The following GLO1 variants were observed in gnomAD, a reference collection of about 807,000 sequenced individuals.
GLO1 encodes lactoylglutathione lyase.
A neutral mutation model predicts 26.0 loss-of-function variants in GLO1; 28 were observed. The observed-to-expected ratio is 1.08, with a 90% CI of 0.80 to 1.48. The LOEUF is 1.48. Ranked by LOEUF, GLO1 falls within the 40% of genes most tolerant of loss-of-function variation. GLO1 has a pLI of 0.00. For synonymous variants in GLO1, 78 were observed against 77.6 expected (o/e 1.00, Z -0.03); for missense variants, 225 against 224.8 (o/e 1.00, Z -0.01).
chr6:38,679,707 T>C (rs950357058), intron 5 of GLO1, among the ~76,000 whole-genome samples: 5 of 151,906 alleles, frequency 3.3e-5, no homozygotes, highest in African/African-American at 1.2e-4. Context: ...AGGTGGATTA[T>C]TGTTTGATCC....
At chr6:38,678,928 G>GTTA (rs1456436694) in intron 5 of GLO1, among the ~76,000 whole-genome samples, 9 of 152,158 alleles carry the variant, frequency 5.9e-5, no homozygotes, top group Non-Finnish European at 1.2e-4. Context: ...AGATCATGTG[G>GTTA]GTTGTTAAGG....
chr6:38,689,252 G>A (rs932048497), intron 1 of GLO1, among the ~76,000 whole-genome samples: 7 of 152,218 alleles, frequency 4.6e-5, no homozygotes, highest in African/African-American at 1.7e-4. Context: ...ACAGACCCAA[G>A]TCGGACCTCT....
At chr6:38,696,110 A>T (rs1761607568) in intron 1 of GLO1, among the ~76,000 whole-genome samples, 1 of 152,012 alleles carries the variant, frequency 6.6e-6, no homozygotes. Flanking sequence ...TCAGAAGCAG[A>T]GTCTCTAAAT....
intron 1 of GLO1, among the ~76,000 whole-genome samples, chr6:38,693,872 G>A (rs569061227): frequency 7.3e-4 from 111 of 151,998 alleles, no homozygotes; most frequent in Admixed American, 1.8e-3. Context: ...CACCACGCCT[G>A]GCTAATTTTT....
intron 5 of GLO1, among the ~76,000 whole-genome samples, chr6:38,678,618 G>A (rs1387622734): frequency 1.3e-5 from 2 of 152,070 alleles, no homozygotes; most frequent in Non-Finnish European, 2.9e-5. Flanking sequence ...TGTGTGCATC[G>A]GCACCTGCCC....
At position 38,686,872 on chromosome 6, in the gene GLO1, C is replaced by T. The variant is rs1421866235; in HGVS notation, c.167+20G>A. On this transcript the variant is annotated intron_variant, in intron 2 of 5. Transcript: ENST00000373365. ...AGCTATATATTTAAACATTAAGGTG[C>T]CAATAAGTACTTGACTTACGTCATT... 2.4e-6 allele frequency: 3 copies of T among 1,274,576 alleles called. No individual in the cohort carries two copies. Among genetic ancestry groups the T allele is most frequent in the Non-Finnish European group, 3.4e-6 (3 of 876,294 alleles). The allele number at this position is 1,274,576 out of a possible 1,614,324, so 79.0% of individuals were successfully genotyped here. A position where few individuals can be genotyped will look rare whatever the true frequency, so the allele number is the denominator to read the frequency against.
intron 2 of GLO1, among the ~76,000 whole-genome samples, chr6:38,686,306 T>C (rs1317622763): frequency 6.6e-6 from 1 of 152,222 alleles, no homozygotes; most frequent in Non-Finnish European, 1.5e-5. Context: ...TGTATCTATA[T>C]GCTCAAAAGC....
chr6:38,699,871 C>T (rs982941574), intron 1 of GLO1, among the ~76,000 whole-genome samples: 2 of 151,670 alleles, frequency 1.3e-5, no homozygotes, highest in East Asian at 1.9e-4. Context: ...TGCTTTTGCC[C>T]TTTGCCTTGT....
At chr6:38,686,781 A>G in intron 2 of GLO1, 111 bp downstream of exon 2, 1 of 642,150 alleles carries the variant, frequency 1.6e-6, no homozygotes, top group East Asian at 2.9e-5. Flanking sequence ...CTCCTGGCCA[A>G]AAGAACTTCT....
At chr6:38,680,919 T>G (rs1761363210) in intron 5 of GLO1, among the ~76,000 whole-genome samples, 1 of 152,098 alleles carries the variant, frequency 6.6e-6, no homozygotes, top group Non-Finnish European at 1.5e-5. Context: ...AAGAGATATA[T>G]GAAGAAAAAG....
intron 1 of GLO1, among the ~76,000 whole-genome samples, chr6:38,687,326 G>A (rs1333143615): frequency 6.6e-6 from 1 of 151,554 alleles, no homozygotes; most frequent in East Asian, 1.9e-4. Context: ...ATACACCTAT[G>A]ATCACCCTCT....
At chr6:38,687,256 T>A (rs917884677) in intron 1 of GLO1, 1 of 194,386 alleles carries the variant, frequency 5.1e-6, no homozygotes, top group Non-Finnish European at 9.3e-6. Flanking sequence ...TACCACAAAG[T>A]CCCTCAAAGA....
chr6:38,698,912 C>T (rs1187152439), intron 1 of GLO1, among the ~76,000 whole-genome samples: 1 of 152,112 alleles, frequency 6.6e-6, no homozygotes, highest in Non-Finnish European at 1.5e-5. Context: ...GCCTAATCAC[C>T]TCCAGACTTG....
intron 5 of GLO1, among the ~76,000 whole-genome samples, chr6:38,680,646 T>G (rs1582773526): frequency 6.6e-6 from 1 of 152,238 alleles, no homozygotes; most frequent in East Asian, 1.9e-4. Context: ...TCCCAGTGCT[T>G]TGGGAGGCCA....
intron 1 of GLO1, among the ~76,000 whole-genome samples, chr6:38,699,412 G>A (rs1016762748): frequency 3.9e-5 from 6 of 151,956 alleles, no homozygotes; most frequent in Non-Finnish European, 7.4e-5. Flanking sequence ...TGAAATCGGC[G>A]CACCTTGAAA....
intron 1 of GLO1, among the ~76,000 whole-genome samples, chr6:38,690,630 A>G (rs1761516486): frequency 6.6e-6 from 1 of 152,328 alleles, no homozygotes; most frequent in South Asian, 2.1e-4. Context: ...TTAATGTTAC[A>G]GACTTTAACT....
At chr6:38,689,668 C>T (rs534311229) in intron 1 of GLO1, among the ~76,000 whole-genome samples, 3 of 152,182 alleles carry the variant, frequency 2.0e-5, no homozygotes, top group African/African-American at 7.2e-5. Context: ...TATTCTTGGC[C>T]AGGTGCAGTG....
At chr6:38,682,138 A>T (rs1562482059) in intron 4 of GLO1, 37 bp from the exon 5 acceptor site, 3 of 1,111,068 alleles carry the variant, frequency 2.7e-6, no homozygotes, top group Non-Finnish European at 2.8e-6. Flanking sequence ...AGAGAGAAGG[A>T]AGAAATAATT....
At chr6:38,683,747 C>T (rs1761420529) in intron 3 of GLO1, among the ~76,000 whole-genome samples, 1 of 151,936 alleles carries the variant, frequency 6.6e-6, no homozygotes, top group African/African-American at 2.4e-5. Flanking sequence ...ATTAGCTGGG[C>T]GTAGTGGCGG....
Sources: allele counts gnomAD v4.1 joint callset (sites outside exome capture counted in the v4.1 genomes callset), GRCh38; gene constraint gnomAD v4.1.1; transcripts MANE v1.5; gene names NCBI Gene and HGNC (gene_info 2026-07-23, HGNC 2026-07-21).